CSF1R: variants seen among roughly 807,000 people sequenced by gnomAD.
CSF1R encodes the protein colony stimulating factor 1 receptor, also known as macrophage colony-stimulating factor 1 receptor.
In CSF1R, 40 loss-of-function variants were observed where a neutral mutation model predicts 110.0. That is an observed-to-expected ratio of 0.36 (90% CI 0.28 to 0.47). The LOEUF (loss-of-function observed/expected upper bound fraction) is 0.47. Among genes scored for constraint, CSF1R ranks in the 20% least tolerant of loss-of-function variants. The probability of loss-of-function intolerance (pLI) is 0.99; values close to 1 mark genes in which losing one functional copy is unlikely to be tolerated. For missense variants in CSF1R, 1,052 were observed against 1,253.0 expected (o/e 0.84, Z 2.42); for synonymous variants, 523 against 503.4 (o/e 1.04, Z -0.52).
intron 1 of CSF1R, among the ~76,000 whole-genome samples, chr5:150,084,279 G>A (rs540858709): frequency 2.0e-5 from 3 of 150,252 alleles, no homozygotes; most frequent in Admixed American, 6.7e-5. Context: ...GCAGTGAGCC[G>A]AGATCCATGC....
At chr5:150,088,249 C>T (rs990111618), upstream of CSF1R, among the ~76,000 whole-genome samples, 3 of 152,036 alleles carry the variant, frequency 2.0e-5, no homozygotes, top group African/African-American at 7.3e-5. Context: ...AAAGAAAATC[C>T]AAATAAACCT....
rs1759044783 is a variant in CSF1R at position 150,091,701 on chromosome 5, T to C, written c.-180-5094A>G. Among the ~76,000 whole-genome samples, 3 of 152,136 alleles carry C rather than the reference T, an allele frequency of 2.0e-5. No homozygotes were observed. In the South Asian group the frequency reaches 6.2e-4, roughly 32 times the overall value. ...AGATAAAGGTGATGGCTGCCCAGCA[T>C]TGTATTTGTCCTAAATGCCGTTGTA... is the stretch of plus-strand genomic sequence containing the variant. On this transcript the variant is annotated intron_variant, in intron 1 of 21. Transcript: ENST00000286301.
chr5:150,085,286 A>AAAAACAAAAAC (rs1758790773), intron 1 of CSF1R, among the ~76,000 whole-genome samples: 1 of 148,714 alleles, frequency 6.7e-6, no homozygotes, highest in South Asian at 2.2e-4. Flanking sequence ...GGAAAAAAAA[A>AAAAACAAAAAC]AAAAAAACCC....
intron 5 of CSF1R, 196 bp downstream of exon 5, chr5:150,077,080 A>T (rs1333341432): frequency 1.9e-5 from 13 of 695,070 alleles, no homozygotes; most frequent in Non-Finnish European, 5.0e-6. Flanking sequence ...GAGCTCCAAG[A>T]TGGGAGAGAG....
At chr5:150,075,061 G>A (rs943772971) in intron 5 of CSF1R, among the ~76,000 whole-genome samples, 2 of 152,054 alleles carry the variant, frequency 1.3e-5, no homozygotes, top group Non-Finnish European at 2.9e-5. Flanking sequence ...CACTCCACTC[G>A]ACTTTTGCTG....
In CSF1R at chr5:150,073,428, G is replaced by T; in HGVS notation, c.955C>A (p.Leu319Ile). 1 of 1,614,102 alleles carries T rather than the reference G, an allele frequency of 6.2e-7. No homozygotes were observed. The highest frequency in any genetic ancestry group is 8.5e-7 in the Non-Finnish European group (1 of 1,179,998). ...GCCTCCACCATGACTTTGAGGTTGA[G>T]CCCCTCCCCCACGGTCACCTCCTGG... Reference protein sequence around the residue: ...LIQEVTVGEGLNLKVMVEAYP... With the variant: ...LIQEVTVGEGINLKVMVEAYP... Residue 319 changes from leucine (L) to isoleucine (I), a missense_variant, in exon 6 of 21, where the codon CTC becomes ATC. This residue lies in a region of CSF1R where 693 missense variants were observed against 735.4 expected (regional missense o/e 0.94). Coordinates refer to ENST00000675795, the MANE Select transcript of CSF1R (RefSeq NM_001288705.3).
At chr5:150,064,718 G>C (rs1757684437) in intron 10 of CSF1R, among the ~76,000 whole-genome samples, 1 of 152,184 alleles carries the variant, frequency 6.6e-6, no homozygotes, top group South Asian at 2.1e-4. Context: ...CCTGCCCCCA[G>C]CTGGGCAGGG....
intron 1 of CSF1R, among the ~76,000 whole-genome samples, chr5:150,110,257 T>C (rs181648225): frequency 6.6e-6 from 1 of 152,254 alleles, no homozygotes; most frequent in Admixed American, 6.5e-5. Flanking sequence ...CCCTAGCCAA[T>C]AGGGGAACAA....
intron 1 of CSF1R, among the ~76,000 whole-genome samples, chr5:150,107,073 G>A (rs893492567): frequency 1.6e-4 from 25 of 152,204 alleles, no homozygotes; most frequent in African/African-American, 6.0e-4. Flanking sequence ...AATGCCAGAT[G>A]CATGAAGAAA....
In CSF1R at chr5:150,054,351, C is replaced by G; in HGVS notation, c.2734G>C (p.Glu912Gln). The stretch of plus-strand genomic sequence containing the variant: ...TCTCTCCTGTCCTCTTGGGCCTGCT[C>G]CTGAAGGAAGGAGCAGATCTGCTGG... Reference protein sequence around the residue: ...TFQQICSFLQEQAQEDRRERD... With the variant: ...TFQQICSFLQQQAQEDRRERD... Residue 912 changes from glutamate to glutamine, a missense_variant, in exon 20 of 21, where the codon GAG becomes CAG. By Grantham distance (29) the Glu-to-Gln change is conservative (BLOSUM62 2). Coordinates refer to ENST00000675795, the MANE Select transcript of CSF1R (RefSeq NM_001288705.3). 6.2e-7 allele frequency: 1 copy of G among 1,614,106 alleles called. No individual in the cohort carries two copies. Among genetic ancestry groups the G allele is most frequent in the Non-Finnish European group, 8.5e-7 (1 of 1,180,010 alleles).
intron 1 of CSF1R, among the ~76,000 whole-genome samples, chr5:150,092,467 C>G (rs1342706883): frequency 6.6e-6 from 1 of 152,098 alleles, no homozygotes; most frequent in African/African-American, 2.4e-5. Context: ...TTAGTCTGTT[C>G]TCATACTGCT....
chr5:150,092,063 C>T (rs1759061603), intron 1 of CSF1R, among the ~76,000 whole-genome samples: 1 of 152,086 alleles, frequency 6.6e-6, no homozygotes, highest in Admixed American at 6.5e-5. Flanking sequence ...TGTCAAGGAC[C>T]AAATAGTAAG....
In CSF1R at chr5:150,077,473, G is replaced by A. The variant is rs746637314; in HGVS notation, c.730-38C>T. The A allele has an allele frequency of 2.5e-6, 4 of 1,589,210 alleles. No individual in the cohort carries two copies. The South Asian group carries it at 4.6e-5, about 18-fold the overall frequency. On this transcript the variant is annotated intron_variant, in intron 4 of 20. Transcript: ENST00000675795. ...GGAATGGAGATGTTATACCAAGGTA[G>A]TTTAGGGATTAGAAAGATCTGGGTT...
Position 150,057,611 on chromosome 5 carries a change from T to C in CSF1R, c.2133-19A>G, listed in dbSNP as rs377690615. 2 of 1,604,746 alleles carry C rather than the reference T, an allele frequency of 1.2e-6. No individual in the cohort carries two copies. Among genetic ancestry groups the C allele is most frequent in the African/African-American group, 2.7e-5 (2 of 74,764 alleles). Reference sequence around the variant, plus strand: ...ACTGTCCCTACATAGGAGAGAGGGTTGGGGGGCAGAGGTCACTCATCATCA... The same window carrying C: ...ACTGTCCCTACATAGGAGAGAGGGTCGGGGGGCAGAGGTCACTCATCATCA... On this transcript the variant is annotated intron_variant, in intron 14 of 20. Transcript: ENST00000675795.
chr5:150,067,021 C>G (rs1757804318), intron 10 of CSF1R: 1 of 153,330 alleles, frequency 6.5e-6, no homozygotes, highest in African/African-American at 2.4e-5. Flanking sequence ...GTCTCCCTTA[C>G]CCACCAGCCT....
intron 1 of CSF1R, among the ~76,000 whole-genome samples, chr5:150,105,299 C>T (rs1759512981): frequency 7.3e-6 from 1 of 137,652 alleles, no homozygotes; most frequent in African/African-American, 2.7e-5. Context: ...AGTGAGCCAA[C>T]ATTGTGCCAC....
intron 10 of CSF1R, 93 bp downstream of exon 10, chr5:150,068,122 G>A (rs1757855474): frequency 1.1e-6 from 1 of 928,922 alleles, no homozygotes; most frequent in Admixed American, 1.9e-5. Flanking sequence ...TGGACTGACT[G>A]AGGAGGAGGA....
chr5:150,074,863 C>T (rs1029694945), intron 5 of CSF1R, among the ~76,000 whole-genome samples: 7 of 140,706 alleles, frequency 5.0e-5, no homozygotes, highest in African/African-American at 1.9e-4. Context: ...ACTCAACGCT[C>T]CACCCATCTG....
At chr5:150,102,198 G>A (rs1759423508) in intron 1 of CSF1R, among the ~76,000 whole-genome samples, 1 of 152,106 alleles carries the variant, frequency 6.6e-6, no homozygotes, top group Non-Finnish European at 1.5e-5. Context: ...AAAACATGGA[G>A]ATATTGTTAA....
Sources: allele counts gnomAD v4.1 joint callset (sites outside exome capture counted in the v4.1 genomes callset), GRCh38; gene constraint gnomAD v4.1.1; regional missense constraint gnomAD v4.1.1; transcripts MANE v1.5; gene names NCBI Gene and HGNC (gene_info 2026-07-23, HGNC 2026-07-21).